Variants in RFX3 observed in about 807,000 individuals in gnomAD.
The protein encoded by RFX3 is transcription factor RFX3.
In RFX3, 14 loss-of-function variants were observed where a neutral mutation model predicts 98.6. That is an observed-to-expected ratio of 0.14 (90% confidence interval 0.09 to 0.22). The LOEUF is 0.22. RFX3 is among the 10% of genes least tolerant of loss of function. The pLI, the probability that RFX3 is intolerant of heterozygous loss-of-function variation, is 1.00. For synonymous variants in RFX3, 383 were observed against 328.4 expected, an observed-to-expected ratio of 1.17 and a Z score of -1.80; for missense variants, 639 against 926.9, an observed-to-expected ratio of 0.69 and a Z score of 4.03.
At chr9:3,309,630 T>G (rs1201852797) in intron 4 of RFX3, among the ~76,000 whole-genome samples, 2 of 152,200 alleles carry the variant, frequency 1.3e-5, no homozygotes, top group African/African-American at 4.8e-5. Flanking sequence ...GTTGTGCTTG[T>G]GTTCTCTTCC....
chr9:3,462,746 A>T (rs972461369), intron 1 of RFX3, among the ~76,000 whole-genome samples: 2 of 152,138 alleles, frequency 1.3e-5, no homozygotes, highest in Non-Finnish European at 2.9e-5. Flanking sequence ...CTTCAATACT[A>T]GTCATATTGT....
intron 1 of RFX3, among the ~76,000 whole-genome samples, chr9:3,479,660 C>A (rs1055034397): frequency 3.9e-5 from 6 of 152,142 alleles, no homozygotes; most frequent in African/African-American, 1.4e-4. Context: ...TTGGGGACAA[C>A]AGAAACAAGT....
At chr9:3,424,819 G>A (rs750741485) in intron 1 of RFX3, among the ~76,000 whole-genome samples, 6 of 151,950 alleles carry the variant, frequency 3.9e-5, no homozygotes, top group African/African-American at 2.4e-5. Context: ...CATATAGATC[G>A]AATTCACATC....
chr9:3,385,259 A>G (rs1228459724), intron 2 of RFX3, among the ~76,000 whole-genome samples: 1 of 152,196 alleles, frequency 6.6e-6, no homozygotes, highest in Non-Finnish European at 1.5e-5. Context: ...GGACACATTG[A>G]ATTTTCCCAG....
At chr9:3,261,739 G>T (rs1563819734) in intron 13 of RFX3, among the ~76,000 whole-genome samples, 1 of 152,052 alleles carries the variant, frequency 6.6e-6, no homozygotes, top group Non-Finnish European at 1.5e-5. Flanking sequence ...TTCCAAAGTG[G>T]CTACAGCATT....
At chr9:3,280,887 C>G (rs1336190699) in intron 7 of RFX3, among the ~76,000 whole-genome samples, 1 of 151,550 alleles carries the variant, frequency 6.6e-6, no homozygotes, top group African/African-American at 2.4e-5. Flanking sequence ...AGAAATACAT[C>G]AATTAATATT....
intron 1 of RFX3, among the ~76,000 whole-genome samples, chr9:3,405,861 A>G (rs913616758): frequency 6.6e-6 from 1 of 152,196 alleles, no homozygotes; most frequent in African/African-American, 2.4e-5. Flanking sequence ...TCTTTAGAAT[A>G]TAGCTCCTGC....
Position 3,225,117 on chromosome 9 carries a change from G to A in RFX3, c.2175C>T (p.His725=), listed in dbSNP as rs760449051. ...GAGTACTTGTGACAATGTGCTCGCT[G>A]TGAATTGGATTCAGGAGGCTTGGTT... The part of the protein sequence containing the change: ...GVQPSLLNPI[H]SEHIVTSTQT... Residue 725 remains histidine (H), a synonymous_variant, in exon 17 of 17, where the codon CAC becomes CAT. Coordinates refer to ENST00000617270, the MANE Select transcript of RFX3 (RefSeq NM_001282116.2). The A allele has an allele frequency of 6.2e-7, 1 of 1,613,994 alleles. No individual in the cohort carries two copies. Among genetic ancestry groups the A allele is most frequent in the Non-Finnish European group, 8.5e-7 (1 of 1,179,934 alleles).
chr9:3,412,344 A>ACC (rs1306011302), intron 1 of RFX3, among the ~76,000 whole-genome samples: 1 of 152,166 alleles, frequency 6.6e-6, no homozygotes, highest in Non-Finnish European at 1.5e-5. Context: ...ATGAAGCTCT[A>ACC]CCACACCATT....
At chr9:3,302,937 A>G (rs1828838292) in intron 4 of RFX3, among the ~76,000 whole-genome samples, 1 of 151,844 alleles carries the variant, frequency 6.6e-6, no homozygotes, top group South Asian at 2.1e-4. Context: ...TTAATAAAAC[A>G]TAATACTGAA....
At chr9:3,396,880 T>C (rs1271265925) in intron 1 of RFX3, among the ~76,000 whole-genome samples, 2 of 152,194 alleles carry the variant, frequency 1.3e-5, no homozygotes, top group African/African-American at 4.8e-5. Flanking sequence ...AACTTACTAT[T>C]TGGTGATCTA....
At chr9:3,304,482 A>T (rs992364657) in intron 4 of RFX3, among the ~76,000 whole-genome samples, 1 of 151,998 alleles carries the variant, frequency 6.6e-6, no homozygotes, top group African/African-American at 2.4e-5. Context: ...ATGCATAATT[A>T]CCAAATTATA....
At chr9:3,413,863 GA>G (rs1278821197) in intron 1 of RFX3, among the ~76,000 whole-genome samples, 4 of 151,882 alleles carry the variant, frequency 2.6e-5, no homozygotes, top group Admixed American at 6.6e-5. Context: ...ATCAGGAAAA[GA>G]AAAAAATTAT....
At chr9:3,428,129 A>G (rs558629297) in intron 1 of RFX3, among the ~76,000 whole-genome samples, 1 of 152,128 alleles carries the variant, frequency 6.6e-6, no homozygotes, top group Admixed American at 6.5e-5. Context: ...TATTTTGTTC[A>G]GTTTTATCAC....
At chr9:3,376,331 C>T (rs931712144) in intron 2 of RFX3, among the ~76,000 whole-genome samples, 1 of 152,140 alleles carries the variant, frequency 6.6e-6, no homozygotes, top group African/African-American at 2.4e-5. Context: ...AGGTCCACTC[C>T]TAGGTATTTA....
At chr9:3,350,282 C>G (rs1422881440) in intron 2 of RFX3, among the ~76,000 whole-genome samples, 1 of 152,042 alleles carries the variant, frequency 6.6e-6, no homozygotes, top group East Asian at 1.9e-4. Context: ...AGAAAATAAA[C>G]AAGCTGATTT....
intron 1 of RFX3, among the ~76,000 whole-genome samples, chr9:3,512,756 A>T (rs1421463311): frequency 6.6e-6 from 1 of 152,098 alleles, no homozygotes; most frequent in African/African-American, 2.4e-5. Context: ...CATTAGGTAA[A>T]AATCACAGTA....
At chr9:3,384,623 T>C (rs1031838316) in intron 2 of RFX3, among the ~76,000 whole-genome samples, 1 of 152,208 alleles carries the variant, frequency 6.6e-6, no homozygotes. Context: ...CTATGATCCA[T>C]TGTTTGAACT....
intron 1 of RFX3, among the ~76,000 whole-genome samples, chr9:3,486,146 A>G (rs1013469917): frequency 6.6e-6 from 1 of 150,724 alleles, no homozygotes; most frequent in African/African-American, 2.4e-5. Flanking sequence ...AAAAAAAAAA[A>G]AAAAAAAGAA....
Sources: gnomAD v4.1 joint callset for allele counts (sites outside exome capture counted in the v4.1 genomes callset) on GRCh38, gnomAD v4.1.1 for gene constraint, MANE v1.5 for transcripts, NCBI Gene and HGNC (gene_info 2026-07-23, HGNC 2026-07-21) for gene names.